The following RBFOX1 variants were observed in gnomAD, a reference collection of about 807,000 sequenced individuals.
RBFOX1 encodes RNA binding fox-1 homolog 1, also known as RNA binding protein fox-1 homolog 1.
Under a neutral mutation model 57.7 loss-of-function variants are expected in RBFOX1, and 8 were observed. The observed-to-expected ratio is 0.14, with a 90% CI of 0.08 to 0.25. The LOEUF is 0.25. Ranked by LOEUF, RBFOX1 falls within the 10% of genes least tolerant of loss-of-function variation. RBFOX1 has a pLI of 1.00. For synonymous variants in RBFOX1, 326 were observed against 222.4 expected (o/e 1.47, Z -4.15); for missense variants, 611 against 548.5 (o/e 1.11, Z -1.14).
intron 4 of RBFOX1, among the ~76,000 whole-genome samples, chr16:7,192,678 C>T (rs1407719565): frequency 6.6e-6 from 1 of 152,092 alleles, no homozygotes; most frequent in Non-Finnish European, 1.5e-5. Flanking sequence ...TCCTGGTACC[C>T]ATCATTGTAT....
At chr16:7,487,417 C>T (rs1180400772) in intron 4 of RBFOX1, among the ~76,000 whole-genome samples, 1 of 152,150 alleles carries the variant, frequency 6.6e-6, no homozygotes, top group African/African-American at 2.4e-5. Flanking sequence ...AAGGCACTCC[C>T]CATGCAGTTG....
chr16:7,572,818 AAC>A (rs1353503175), intron 5 of RBFOX1, among the ~76,000 whole-genome samples: 3 of 120,190 alleles, frequency 2.5e-5, no homozygotes, highest in African/African-American at 8.6e-5. Context: ...CAGCCTGGGC[AAC>A]AGAGTGAGAG....
At chr16:6,709,863 G>A (rs560742882) in intron 3 of RBFOX1, among the ~76,000 whole-genome samples, 153 of 152,294 alleles carry the variant, frequency 1.0e-3, no homozygotes, top group African/African-American at 3.6e-3. Flanking sequence ...AAGGTATGGG[G>A]AGGCTGGAGA....
intron 5 of RBFOX1, among the ~76,000 whole-genome samples, chr16:7,556,014 G>A (rs2088331518): frequency 6.8e-6 from 1 of 147,158 alleles, no homozygotes; most frequent in Admixed American, 6.7e-5. Flanking sequence ...CATACTTAGT[G>A]CTTAATGGAT....
intron 4 of RBFOX1, among the ~76,000 whole-genome samples, chr16:7,111,762 T>G (rs1440415826): frequency 6.6e-6 from 1 of 152,186 alleles, no homozygotes; most frequent in Non-Finnish European, 1.5e-5. Context: ...TGTACTTTTT[T>G]TTTTTTATCT....
At chr16:6,231,670 C>G (rs1173212189) in intron 1 of RBFOX1, among the ~76,000 whole-genome samples, 1 of 152,164 alleles carries the variant, frequency 6.6e-6, no homozygotes, top group East Asian at 1.9e-4. Context: ...TCACTGTGAG[C>G]CAGAATTCTG....
chr16:7,024,933 G>T lies in RBFOX1; in HGVS notation c.-15-27124G>T, dbSNP rs1464583826. ...TCACTTTATAGAGGAGGACACTGAG[G>T]CCCAGAGAGGAACAGGACATTCACA... On this transcript the variant is annotated intron_variant, in intron 3 of 15. Coordinates refer to ENST00000550418, the MANE Select transcript of RBFOX1 (RefSeq NM_018723.4). Among the ~76,000 whole-genome samples, 3 of 152,110 alleles carry T rather than the reference G, an allele frequency of 2.0e-5. No individual in the cohort carries two copies. In the East Asian group the frequency reaches 5.8e-4, roughly 29 times the overall value.
In RBFOX1 at chr16:5,456,476, A is replaced by G. The variant is rs79649187; in HGVS notation, c.220-10740A>G. ...GTCCCTGAGGGTCAGTGATGGTTCT[A>G]TGGTGATGATGATGATAGTCATGAT... On this transcript the variant is annotated intron_variant, in intron 1 of 2. Transcript: ENST00000585867. Among the ~76,000 whole-genome samples the G allele has an allele frequency of 8.7e-3, 1,332 of 152,306 alleles. 24 individuals carry two copies. The highest frequency in any genetic ancestry group is 0.031 in the African/African-American group (1,276 of 41,538).
intron 1 of RBFOX1, among the ~76,000 whole-genome samples, chr16:6,098,100 G>A (rs1038147097): frequency 4.6e-5 from 7 of 152,102 alleles, no homozygotes; most frequent in African/African-American, 1.4e-4. Context: ...GAGGAGAAGG[G>A]GTCGGTCACC....
intron 3 of RBFOX1, among the ~76,000 whole-genome samples, chr16:6,680,120 GGTC>G (rs2154120750): frequency 6.6e-6 from 1 of 151,890 alleles, no homozygotes; most frequent in Non-Finnish European, 1.5e-5. Context: ...TGTAAAATGG[GGTC>G]ATAGAAGGAC....
chr16:7,651,848 C>G (rs1163531026), intron 11 of RBFOX1, among the ~76,000 whole-genome samples: 7 of 152,184 alleles, frequency 4.6e-5, no homozygotes, highest in Non-Finnish European at 2.9e-5. Flanking sequence ...TTCAGAAAAG[C>G]ATTCTCTGTG....
At chr16:7,349,570 C>G (rs1020771342) in intron 4 of RBFOX1, among the ~76,000 whole-genome samples, 4 of 152,002 alleles carry the variant, frequency 2.6e-5, no homozygotes, top group African/African-American at 9.7e-5. Flanking sequence ...TAATACTCCT[C>G]CCTTTCCGTT....
At chr16:6,008,614 A>T (rs2094941316) in intron 4 of RBFOX1, among the ~76,000 whole-genome samples, 1 of 152,170 alleles carries the variant, frequency 6.6e-6, no homozygotes, top group African/African-American at 2.4e-5. Flanking sequence ...GCATGTGTAT[A>T]TCCTGACAAC....
intron 3 of RBFOX1, among the ~76,000 whole-genome samples, chr16:5,758,302 A>G (rs998180450): frequency 1.3e-5 from 2 of 152,202 alleles, no homozygotes; most frequent in African/African-American, 2.4e-5. Context: ...TAATGTTGCC[A>G]TAGTTACCTC....
intron 3 of RBFOX1, among the ~76,000 whole-genome samples, chr16:5,739,497 A>C (rs374598116): frequency 6.6e-6 from 1 of 152,252 alleles, no homozygotes; most frequent in African/African-American, 2.4e-5. Flanking sequence ...AAGAAAGCAT[A>C]AGAGTACTTG....
At chr16:6,993,603 G>C (rs1430845597) in intron 3 of RBFOX1, among the ~76,000 whole-genome samples, 1 of 152,150 alleles carries the variant, frequency 6.6e-6, no homozygotes, top group Non-Finnish European at 1.5e-5. Flanking sequence ...GGAGAGACTT[G>C]AGTTTAATTG....
At chr16:5,976,734 T>A (rs966320105) in intron 4 of RBFOX1, among the ~76,000 whole-genome samples, 1 of 152,004 alleles carries the variant, frequency 6.6e-6, no homozygotes, top group African/African-American at 2.4e-5. Flanking sequence ...CTGGGTGCGG[T>A]GGCACATGTC....
intron 3 of RBFOX1, among the ~76,000 whole-genome samples, chr16:6,759,267 C>T (rs954398417): frequency 1.3e-5 from 2 of 151,788 alleles, no homozygotes; most frequent in African/African-American, 2.4e-5. Context: ...TCTCCTGTTT[C>T]AGCCTCCCAA....
intron 4 of RBFOX1, among the ~76,000 whole-genome samples, chr16:5,948,786 T>C (rs2059457107): frequency 6.6e-6 from 1 of 152,158 alleles, no homozygotes; most frequent in Non-Finnish European, 1.5e-5. Flanking sequence ...TAATCTCCTG[T>C]TGTTTTAAGC....
Sources: allele counts gnomAD v4.1 joint callset (sites outside exome capture counted in the v4.1 genomes callset), GRCh38; gene constraint gnomAD v4.1.1; transcripts MANE v1.5; gene names NCBI Gene and HGNC (gene_info 2026-07-23, HGNC 2026-07-21).